EMCN: variants seen among roughly 807,000 people sequenced by gnomAD.
The protein encoded by EMCN is MUC-14.
In EMCN, 37 loss-of-function variants were observed where a neutral mutation model predicts 38.4. The ratio of observed to expected loss-of-function variants is 0.96; its 90% CI spans 0.74 to 1.27. The LOEUF (loss-of-function observed/expected upper bound fraction) is 1.27, where lower values mean the gene tolerates loss of function less well. EMCN is among the 50% of genes most tolerant of loss of function. EMCN has a pLI of 0.00. For missense variants in EMCN, 318 were observed against 302.8 expected, an observed-to-expected ratio of 1.05 and a Z score of -0.37; for synonymous variants, 95 against 100.8, an observed-to-expected ratio of 0.94 and a Z score of 0.35.
At chr4:100,490,744 C>T (rs186616389) in intron 1 of EMCN, among the ~76,000 whole-genome samples, 10 of 152,290 alleles carry the variant, frequency 6.6e-5, no homozygotes, top group South Asian at 2.1e-4. Context: ...CCTAACAAGA[C>T]GTTTCGTAGA....
chr4:100,437,309 A>G (rs1212305492), intron 5 of EMCN, among the ~76,000 whole-genome samples: 2 of 152,006 alleles, frequency 1.3e-5, no homozygotes, highest in African/African-American at 4.8e-5. Flanking sequence ...TTAACCCCTT[A>G]TCAGGTATAT....
intron 5 of EMCN, among the ~76,000 whole-genome samples, chr4:100,446,797 A>C (rs1241805591): frequency 6.6e-6 from 1 of 152,082 alleles, no homozygotes; most frequent in African/African-American, 2.4e-5. Flanking sequence ...TGTGCTCATG[A>C]ATTCTCATCA....
chr4:100,504,725 C>A (rs1303048913), intron 1 of EMCN, among the ~76,000 whole-genome samples: 1 of 152,212 alleles, frequency 6.6e-6, no homozygotes, highest in African/African-American at 2.4e-5. Context: ...GGACCACGGT[C>A]TAGCGGTAGA....
intron 1 of EMCN, among the ~76,000 whole-genome samples, chr4:100,506,505 T>C (rs1729483390): frequency 6.6e-6 from 1 of 152,060 alleles, no homozygotes; most frequent in African/African-American, 2.4e-5. Flanking sequence ...CATTTCTCAA[T>C]TTAAAGGGGT....
chr4:100,442,419 A>G (rs1727548212), intron 5 of EMCN, among the ~76,000 whole-genome samples: 1 of 152,138 alleles, frequency 6.6e-6, no homozygotes, highest in African/African-American at 2.4e-5. Flanking sequence ...TATGAATCCA[A>G]ATGTCTATAT....
intron 3 of EMCN, among the ~76,000 whole-genome samples, chr4:100,466,006 T>C (rs906831089): frequency 6.6e-6 from 1 of 151,952 alleles, no homozygotes; most frequent in East Asian, 1.9e-4. Flanking sequence ...CTTGGGAAAA[T>C]ATTTTCAAGC....
In EMCN at chr4:100,396,371, T is replaced by A. The variant is rs1234410548; in HGVS notation, c.*2042A>T. 6.6e-6 allele frequency: 1 copy of A among 152,108 alleles called. No individual in the cohort carries two copies. The highest frequency in any genetic ancestry group is 1.5e-5 in the Non-Finnish European group (1 of 68,018). 9.4% of individuals were successfully genotyped at this position (152,108 alleles called of 1,614,324 possible). A position where few individuals can be genotyped will look rare whatever the true frequency, so the allele number is the denominator to read the frequency against. ...GTAAACTCTTTTCTAACCATGCTCA[T>A]GAAATGTAGAGAAAATGGTTTCTCT... On this transcript the variant is annotated 3_prime_UTR_variant, in exon 12 of 12. Transcript: ENST00000296420.
At chr4:100,422,269 A>G (rs1726909075) in intron 7 of EMCN, among the ~76,000 whole-genome samples, 1 of 152,084 alleles carries the variant, frequency 6.6e-6, no homozygotes, top group Non-Finnish European at 1.5e-5. Flanking sequence ...TGCTGATTTC[A>G]TAATAGACCT....
chr4:100,405,768 G>A (rs909492707), intron 11 of EMCN, among the ~76,000 whole-genome samples: 16 of 151,706 alleles, frequency 1.1e-4, no homozygotes, highest in South Asian at 8.3e-4. Flanking sequence ...GTTTCTTCTC[G>A]TTTTTTTGGA....
At chr4:100,422,982 A>G (rs1449087178) in intron 7 of EMCN, 39 bp downstream of exon 7, 4 of 1,594,630 alleles carry the variant, frequency 2.5e-6, no homozygotes, top group Middle Eastern at 1.7e-4. Context: ...AACATTCTGC[A>G]TATCTACTGC....
In EMCN at chr4:100,397,285, A is replaced by G. The variant is rs1726144516; in HGVS notation, c.*1128T>C. ...TCCAAAAAACCTCAGCCAACTTGACACTTTGATCTCACATGTCAAAAAAGT... is the reference window on the plus strand; with the variant it reads ...TCCAAAAAACCTCAGCCAACTTGACGCTTTGATCTCACATGTCAAAAAAGT... On this transcript the variant is annotated 3_prime_UTR_variant, in exon 12 of 12. Coordinates refer to ENST00000296420, the MANE Select transcript of EMCN (RefSeq NM_016242.4). The G allele has an allele frequency of 6.6e-6, 1 of 152,146 alleles. No individual in the cohort carries two copies. Among genetic ancestry groups the G allele is most frequent in the African/African-American group, 2.4e-5 (1 of 41,464 alleles). 9.4% of individuals were successfully genotyped at this position (152,146 alleles called of 1,614,324 possible).
chr4:100,429,266 A>G (rs1384733569), intron 5 of EMCN, among the ~76,000 whole-genome samples: 1 of 152,174 alleles, frequency 6.6e-6, no homozygotes, highest in African/African-American at 2.4e-5. Context: ...TAAGTGAAAC[A>G]TGAGTGGTAT....
intron 11 of EMCN, among the ~76,000 whole-genome samples, chr4:100,399,921 T>C (rs1726210464): frequency 6.6e-6 from 1 of 152,200 alleles, no homozygotes; most frequent in African/African-American, 2.4e-5. Flanking sequence ...CCCAACCCTC[T>C]ACCCTCAAGA....
chr4:100,473,515 A>T (rs975102069), intron 3 of EMCN, among the ~76,000 whole-genome samples: 2 of 151,814 alleles, frequency 1.3e-5, no homozygotes, highest in South Asian at 2.1e-4. Context: ...AGAAGCGCAG[A>T]CAACTCACGA....
intron 1 of EMCN, among the ~76,000 whole-genome samples, chr4:100,507,095 T>G (rs1034973082): frequency 5.3e-5 from 8 of 152,208 alleles, no homozygotes; most frequent in Non-Finnish European, 7.3e-5. Flanking sequence ...AATAAAACTA[T>G]TTTTAAATGT....
intron 5 of EMCN, among the ~76,000 whole-genome samples, chr4:100,437,389 A>G (rs1303970866): frequency 2.0e-5 from 3 of 151,698 alleles, no homozygotes. Context: ...TTTGCTGTGC[A>G]GAAGCTTTTT....
chr4:100,499,422 C>T (rs1392549763), intron 1 of EMCN, among the ~76,000 whole-genome samples: 1 of 152,166 alleles, frequency 6.6e-6, no homozygotes, highest in Non-Finnish European at 1.5e-5. Context: ...GAACAAACTT[C>T]ATGGCTTTGC....
chr4:100,471,100 C>A (rs357665), intron 3 of EMCN, among the ~76,000 whole-genome samples: 124,122 of 151,748 alleles, frequency 0.82, 52,138 homozygotes, highest in South Asian at 0.96. Context: ...ACTAAGGATT[C>A]GAGAAGAATG....
intron 4 of EMCN, among the ~76,000 whole-genome samples, chr4:100,459,035 A>C (rs748876655): frequency 6.6e-6 from 1 of 152,120 alleles, no homozygotes; most frequent in African/African-American, 2.4e-5. Context: ...ATCAGTATTA[A>C]AATGACTTTC....
Sources: allele counts gnomAD v4.1 joint callset (sites outside exome capture counted in the v4.1 genomes callset), GRCh38; gene constraint gnomAD v4.1.1; transcripts MANE v1.5; gene names NCBI Gene and HGNC (gene_info 2026-07-23, HGNC 2026-07-21).